GRIK4: variants seen among roughly 807,000 people sequenced by gnomAD.
GRIK4 encodes the protein glutamate receptor ionotropic, kainate 4.
Under a neutral mutation model 104.9 loss-of-function variants are expected in GRIK4, and 40 were observed. The observed-to-expected ratio is 0.38, with a 90% CI of 0.30 to 0.50. GRIK4 has a LOEUF of 0.50. Among genes scored for constraint, GRIK4 ranks in the 20% least tolerant of loss-of-function variants. The pLI is 0.93. For missense variants in GRIK4, 1,047 were observed against 1,308.1 expected, an observed-to-expected ratio of 0.80 and a Z score of 3.08; for synonymous variants, 485 against 524.9, an observed-to-expected ratio of 0.92 and a Z score of 1.04.
Position 120,956,828 on chromosome 11 carries a change from G to A in GRIK4, c.1749G>A (p.Arg583=). ...GCCCACACCCATGTGCCCAGGGCCG[G>A]TGCAACCTCCTGGTGAACCAGTACT... The part of the protein sequence containing the change: ...WYSPHPCAQG[R]CNLLVNQYSL... Residue 583 remains arginine (R), a synonymous_variant, in exon 16 of 21, where the codon CGG becomes CGA. Coordinates refer to ENST00000527524, the MANE Select transcript of GRIK4 (RefSeq NM_014619.5). This position sits in a 1 kb window ranked among gnomAD's most constrained non-coding sequence, Gnocchi z 4.6. The A allele has an allele frequency of 6.2e-7, 1 of 1,613,878 alleles. No individual in the cohort carries two copies. The highest frequency in any genetic ancestry group is 1.1e-5 in the South Asian group (1 of 91,030).
In GRIK4 at chr11:120,892,290, G is replaced by A. The variant is rs73007815; in HGVS notation, c.1165-6242G>A. On this transcript the variant is annotated intron_variant, in intron 11 of 20. Transcript: ENST00000527524. ...GGACAGACCTCATGGGGCTTTGCAG[G>A]CCATAGTAAGAGTTTTGGTCTCTAT... Among the ~76,000 whole-genome samples, 204 of 152,326 alleles carry A rather than the reference G, an allele frequency of 1.3e-3. 2 individuals are homozygous for A. In the Middle Eastern group the frequency reaches 0.014, roughly 10 times the overall value.
At chr11:120,632,007 C>T (rs190457173) in intron 1 of GRIK4, among the ~76,000 whole-genome samples, 11 of 152,284 alleles carry the variant, frequency 7.2e-5, no homozygotes, top group African/African-American at 2.4e-4. Context: ...CAAGCTTCCT[C>T]ATCTGGAAAT....
intron 4 of GRIK4, among the ~76,000 whole-genome samples, chr11:120,807,741 A>G (rs1952744782): frequency 6.6e-6 from 1 of 152,236 alleles, no homozygotes; most frequent in Non-Finnish European, 1.5e-5. Context: ...CCCTTCTCGG[A>G]GCTACCCGCA....
At chr11:120,958,579 G>A (rs538446896) in intron 16 of GRIK4, among the ~76,000 whole-genome samples, 80 of 152,344 alleles carry the variant, frequency 5.3e-4, no homozygotes, top group African/African-American at 1.5e-3. Context: ...ACACCATGTC[G>A]CTGGAGAGAA....
rs1004290543 is a variant in GRIK4 at position 120,903,090 on chromosome 11, C to T, written c.1273-2200C>T. Among the ~76,000 whole-genome samples, 4 of 152,120 alleles carry T rather than the reference C, an allele frequency of 2.6e-5. No individual in the cohort carries two copies. The highest frequency in any genetic ancestry group is 6.5e-5 in the Admixed American group (1 of 15,282). On this transcript the variant is annotated intron_variant, in intron 12 of 20. Coordinates refer to ENST00000527524, the MANE Select transcript of GRIK4 (RefSeq NM_014619.5). The surrounding 1 kb of genome is among the most constrained non-coding windows in gnomAD (Gnocchi z 4.4). ...CCCAGCCTAGAAGTCCTTCTCAGAA[C>T]GAGCTCAGCCCATCAGGATTTCAGT...
chr11:120,567,196 G>T (rs1370229733), intron 1 of GRIK4, among the ~76,000 whole-genome samples: 2 of 150,014 alleles, frequency 1.3e-5, no homozygotes, highest in Non-Finnish European at 3.0e-5. Flanking sequence ...TTGCTCTGTT[G>T]TTCCCTAGGC....
chr11:120,639,499 C>T (rs1229547645), intron 1 of GRIK4, among the ~76,000 whole-genome samples: 1 of 152,182 alleles, frequency 6.6e-6, no homozygotes, highest in Non-Finnish European at 1.5e-5. Context: ...AGTCATTCCC[C>T]TGTCTCGCAG....
At chr11:120,592,160 T>G (rs973092573) in intron 1 of GRIK4, among the ~76,000 whole-genome samples, 9 of 152,296 alleles carry the variant, frequency 5.9e-5, no homozygotes, top group African/African-American at 2.2e-4. Flanking sequence ...TATTTAAGTG[T>G]TTTACAGGTC....
At chr11:120,653,496 G>T (rs1024179293) in intron 1 of GRIK4, among the ~76,000 whole-genome samples, 189 bp from the exon 2 acceptor site, 2 of 152,162 alleles carry the variant, frequency 1.3e-5, no homozygotes, top group Non-Finnish European at 2.9e-5. Context: ...TGAATAAATG[G>T]TGCCCCATGA....
chr11:120,829,607 G>A (rs573068444), intron 6 of GRIK4, among the ~76,000 whole-genome samples: 2 of 152,258 alleles, frequency 1.3e-5, no homozygotes, highest in Admixed American at 1.3e-4. Flanking sequence ...GCCTCACCGC[G>A]CCTGCCCTTG....
chr11:120,827,829 G>C (rs1235861173), intron 6 of GRIK4, among the ~76,000 whole-genome samples: 1 of 152,144 alleles, frequency 6.6e-6, no homozygotes. Context: ...GAGGGGCTTT[G>C]GTCTTTCCTT....
intron 3 of GRIK4, among the ~76,000 whole-genome samples, chr11:120,788,145 A>G (rs1952326566): frequency 6.6e-6 from 1 of 151,986 alleles, no homozygotes; most frequent in Non-Finnish European, 1.5e-5. Context: ...CTGGGATTAC[A>G]GGTGTGAGCC....
At chr11:120,861,859 C>A in intron 8 of GRIK4, 100 bp from the exon 9 acceptor site, 1 of 891,898 alleles carries the variant, frequency 1.1e-6, no homozygotes, top group Non-Finnish European at 1.8e-6. Context: ...CTGGTGTTCA[C>A]TGGACTAGAA....
intron 3 of GRIK4, among the ~76,000 whole-genome samples, chr11:120,746,155 T>C (rs907046667): frequency 2.0e-5 from 3 of 152,208 alleles, no homozygotes; most frequent in Admixed American, 6.5e-5. Flanking sequence ...TTATTAATCA[T>C]GTATTTGAGG....
chr11:120,838,695 A>G (rs1255159582), intron 8 of GRIK4, among the ~76,000 whole-genome samples: 2 of 152,190 alleles, frequency 1.3e-5, no homozygotes, highest in African/African-American at 4.8e-5. Flanking sequence ...AGGAGTAAAG[A>G]AACTGTTTTT....
At chr11:120,550,784 A>G (rs181413798) in intron 1 of GRIK4, among the ~76,000 whole-genome samples, 5 of 152,186 alleles carry the variant, frequency 3.3e-5, no homozygotes, top group Admixed American at 2.6e-4. Flanking sequence ...GACCTGGATA[A>G]GAAGCCAGAC....
chr11:120,791,368 C>T (rs1565354508), intron 3 of GRIK4, among the ~76,000 whole-genome samples: 1 of 152,202 alleles, frequency 6.6e-6, no homozygotes, highest in Non-Finnish European at 1.5e-5. Context: ...TAATGTTGGA[C>T]ATATTTTCAC....
intron 3 of GRIK4, among the ~76,000 whole-genome samples, chr11:120,744,127 T>C (rs761786200): frequency 2.6e-5 from 4 of 152,154 alleles, no homozygotes; most frequent in Non-Finnish European, 5.9e-5. Context: ...TTTGCAGTGA[T>C]AGAGTCTTTT....
At chr11:120,729,596 C>G (rs1421983529) in intron 3 of GRIK4, among the ~76,000 whole-genome samples, 1 of 152,162 alleles carries the variant, frequency 6.6e-6, no homozygotes, top group Non-Finnish European at 1.5e-5. Context: ...TTGCCCATTT[C>G]TTAATTGGAT....
Sources: allele counts gnomAD v4.1 joint callset (sites outside exome capture counted in the v4.1 genomes callset), GRCh38; gene constraint gnomAD v4.1.1; non-coding constraint Gnocchi (gnomAD v3.1); transcripts MANE v1.5; gene names NCBI Gene and HGNC (gene_info 2026-07-23, HGNC 2026-07-21).